The following ARSG variants were observed in gnomAD, a reference collection of about 807,000 sequenced individuals.
ARSG encodes the protein arylsulfatase G, also known as ASG.
In ARSG, 37 loss-of-function variants were observed where a neutral mutation model predicts 50.5. The observed-to-expected ratio is 0.73, with a 90% CI of 0.56 to 0.96. The LOEUF (loss-of-function observed/expected upper bound fraction) is 0.96, where lower values mean the gene tolerates loss of function less well. Ranked by LOEUF, ARSG falls within the 50% of genes least tolerant of loss-of-function variation. The probability of loss-of-function intolerance (pLI) is 0.00; values close to 1 mark genes in which losing one functional copy is unlikely to be tolerated. For missense variants in ARSG, 629 were observed against 675.3 expected, an observed-to-expected ratio of 0.93 and a Z score of 0.76; for synonymous variants, 225 against 254.6, an observed-to-expected ratio of 0.88 and a Z score of 1.11.
At chr17:68,260,815 G>T (rs7210814) in intron 1 of ARSG, among the ~76,000 whole-genome samples, 49,730 of 151,936 alleles carry the variant, frequency 0.33, 8,372 homozygotes, top group East Asian at 0.51. Context: ...ATTTAGTAAA[G>T]CTCTTCCGAC....
chr17:68,446,649 G>C, the ARSG span, among the ~76,000 whole-genome samples: 1 of 152,210 alleles, frequency 6.6e-6, no homozygotes, highest in Non-Finnish European at 1.5e-5. Context: ...GCCGTGGTTA[G>C]AACTACGTGG....
At chr17:68,400,665 A>T (rs906850656) in intron 10 of ARSG, 4 of 152,192 alleles carry the variant, frequency 2.6e-5, no homozygotes, top group Non-Finnish European at 5.9e-5. Flanking sequence ...AGAGCCCTGC[A>T]CTTGGAGGGA....
chr17:68,444,446 C>T, the ARSG span: 30 of 1,548,420 alleles, frequency 1.9e-5, no homozygotes, highest in Admixed American at 3.6e-4. Context: ...GAAAGAAGCA[C>T]CAGGACATGA....
the ARSG span, among the ~76,000 whole-genome samples, chr17:68,443,912 G>C: frequency 5.9e-5 from 9 of 152,162 alleles, no homozygotes; most frequent in African/African-American, 2.2e-4. Context: ...AATGTCATCT[G>C]CTATTTCAAT....
At chr17:68,273,273 A>G (rs1221162757) in intron 1 of ARSG, among the ~76,000 whole-genome samples, 1 of 151,486 alleles carries the variant, frequency 6.6e-6, no homozygotes, top group Non-Finnish European at 1.5e-5. Flanking sequence ...CAGTGGTGTG[A>G]TCACAGCTCA....
chr17:68,284,739 T>G (rs1256464356), intron 1 of ARSG, among the ~76,000 whole-genome samples: 1 of 152,226 alleles, frequency 6.6e-6, no homozygotes, highest in Non-Finnish European at 1.5e-5. Flanking sequence ...AGCCTAGTAC[T>G]TGGGAAGGAC....
At chr17:68,444,160 A>G in the ARSG span, among the ~76,000 whole-genome samples, 1 of 152,210 alleles carries the variant, frequency 6.6e-6, no homozygotes, top group Non-Finnish European at 1.5e-5. Context: ...CGAACCACAA[A>G]AAACAATTAG....
At chr17:68,300,299 T>C (rs189749787) in intron 1 of ARSG, among the ~76,000 whole-genome samples, 19 of 152,298 alleles carry the variant, frequency 1.2e-4, no homozygotes, top group Admixed American at 5.9e-4. Context: ...CTAAGGGAAA[T>C]TGAAGGAGAG....
chr17:68,424,807 G>A (rs2083049511), downstream of ARSG, among the ~76,000 whole-genome samples: 1 of 151,572 alleles, frequency 6.6e-6, no homozygotes, highest in African/African-American at 2.4e-5. Context: ...AACCCAGGAG[G>A]CAGAGGCTGC....
chr17:68,308,043 G>A (rs1232658608), intron 2 of ARSG, among the ~76,000 whole-genome samples: 1 of 152,248 alleles, frequency 6.6e-6, no homozygotes, highest in East Asian at 1.9e-4. Flanking sequence ...GTGGCTCATG[G>A]CTGTAATCCC....
the ARSG span, chr17:68,433,383 GAA>G: frequency 8.0e-7 from 1 of 1,248,470 alleles, no homozygotes; most frequent in Non-Finnish European, 1.2e-6. Context: ...TGTTCAGAAA[GAA>G]AAGAGATCAT....
intron 1 of ARSG, among the ~76,000 whole-genome samples, chr17:68,283,713 A>G (rs979516087): frequency 6.7e-6 from 1 of 148,200 alleles, no homozygotes; most frequent in Non-Finnish European, 1.5e-5. Flanking sequence ...TGTCTCTACT[A>G]AAAAAAAATA....
In ARSG at chr17:68,301,000, C is replaced by T. The variant is rs907413798; in HGVS notation, c.-551-5943C>T. 4.6e-5 allele frequency among the ~76,000 whole-genome samples: 7 copies of T among 152,050 alleles called. No individual in the cohort carries two copies. The South Asian group carries it at 1.5e-3, about 32-fold the overall frequency. On this transcript the variant is annotated intron_variant, in intron 1 of 11. Transcript: ENST00000621439. ...GGGCGTGGTGGCGGGCGCCTGTAGTCCCAGCTACTCGGGAGGCTGAGGCAG... is the reference window on the plus strand; with the variant it reads ...GGGCGTGGTGGCGGGCGCCTGTAGTTCCAGCTACTCGGGAGGCTGAGGCAG...
At chr17:68,401,498 G>A (rs751828305) in intron 11 of ARSG, 48 bp downstream of exon 11, 45 of 1,571,312 alleles carry the variant, frequency 2.9e-5, no homozygotes, top group Admixed American at 5.1e-5. Flanking sequence ...ACAGCTGCAC[G>A]GGGACCCCAT....
intron 5 of ARSG, among the ~76,000 whole-genome samples, chr17:68,353,901 C>T (rs1015901048): frequency 5.3e-5 from 8 of 151,738 alleles, no homozygotes; most frequent in South Asian, 2.1e-4. Flanking sequence ...GGGGTTTCAC[C>T]GTGTTGGCCA....
chr17:68,291,535 G>A lies in ARSG; in HGVS notation c.-585G>A. ...CCTGAGCCGCGCCGGTCGCGCGCCC[G>A]CCAGCCTGCCGCCTGGGCTGGGGGT... On this transcript the variant is annotated 5_prime_UTR_variant, in exon 1 of 12. Transcript: ENST00000621439. The A allele has an allele frequency of 6.6e-6, 1 of 150,440 alleles. No individual in the cohort carries two copies. Among genetic ancestry groups the A allele is most frequent in the Non-Finnish European group, 1.5e-5 (1 of 67,430 alleles). The allele number at this position is 150,440 out of a possible 1,614,324, so 9.3% of individuals were successfully genotyped here.
At chr17:68,262,036 A>C (rs2075078733) in intron 1 of ARSG, among the ~76,000 whole-genome samples, 2 of 152,022 alleles carry the variant, frequency 1.3e-5, no homozygotes, top group Admixed American at 1.3e-4. Flanking sequence ...GGGTGCCTGT[A>C]ATCTCAGCTA....
chr17:68,353,183 G>T (rs1205063901), intron 5 of ARSG, among the ~76,000 whole-genome samples: 1 of 151,554 alleles, frequency 6.6e-6, no homozygotes, highest in East Asian at 2.0e-4. Flanking sequence ...GCTGTTGAAA[G>T]TAAAACCACA....
At chr17:68,429,856 C>T in the ARSG span, 952,769 of 1,227,660 alleles carry the variant, frequency 0.78, 370,652 homozygotes, top group Admixed American at 0.83. Flanking sequence ...CCCAAGGTTC[C>T]GGGATTACAG....
Sources: allele counts gnomAD v4.1 joint callset (sites outside exome capture counted in the v4.1 genomes callset), GRCh38; gene constraint gnomAD v4.1.1; transcripts MANE v1.5; gene names NCBI Gene and HGNC (gene_info 2026-07-23, HGNC 2026-07-21).